The following ZNF462 variants were observed in gnomAD, a reference collection of about 807,000 sequenced individuals.
The protein encoded by ZNF462 is zinc finger protein 462.
Under a neutral mutation model 201.9 loss-of-function variants are expected in ZNF462, and 10 were observed. That is an observed-to-expected ratio of 0.05 (90% CI 0.03 to 0.08). The LOEUF is 0.08. Among genes scored for constraint, ZNF462 ranks in the 10% least tolerant of loss-of-function variants. The pLI, the probability that ZNF462 is intolerant of heterozygous loss-of-function variation, is 1.00. For missense variants in ZNF462, 2,523 were observed against 3,168.3 expected, an observed-to-expected ratio of 0.80 and a Z score of 4.89; for synonymous variants, 1,227 against 1,193.3, an observed-to-expected ratio of 1.03 and a Z score of -0.58.
At chr9:106,861,928 G>C (rs1414039611), upstream of ZNF462, among the ~76,000 whole-genome samples, 2 of 152,214 alleles carry the variant, frequency 1.3e-5, no homozygotes, top group Non-Finnish European at 2.9e-5. Flanking sequence ...CAGCCAGAAA[G>C]TGCAAACAAC....
chr9:106,887,832 T>C (rs534989524), intron 1 of ZNF462, among the ~76,000 whole-genome samples: 1 of 152,338 alleles, frequency 6.6e-6, no homozygotes, highest in South Asian at 2.1e-4. Context: ...ACATAGTTTA[T>C]GTAGTACATT....
At chr9:106,864,303 A>G (rs1462362552) in intron 1 of ZNF462, among the ~76,000 whole-genome samples, 5 of 151,436 alleles carry the variant, frequency 3.3e-5, no homozygotes, top group African/African-American at 9.7e-5. Flanking sequence ...GAGGAGGACA[A>G]CGGTTTCTGG....
At position 106,984,245 on chromosome 9, in the gene ZNF462, G is replaced by A. The variant is rs1173962776; in HGVS notation, c.6892G>A (p.Val2298Ile). The A allele has an allele frequency of 1.2e-6, 2 of 1,614,114 alleles. No homozygotes were observed. The highest frequency in any genetic ancestry group is 1.3e-5 in the African/African-American group (1 of 75,034). Residue 2298 changes from valine to isoleucine, a missense_variant, in exon 10 of 13, where the codon GTA (valine) becomes ATA (isoleucine). This residue lies in a region of ZNF462 where 228 missense variants were observed against 361.2 expected (regional missense o/e 0.63). Coordinates refer to ENST00000277225, the MANE Select transcript of ZNF462 (RefSeq NM_021224.6). This position sits in a 1 kb window ranked among gnomAD's most constrained non-coding sequence, Gnocchi z 6.4. ...RSKLSKYLQG[V>I]VFRCDKCTFT... is the part of the protein sequence containing the mutation. Reference sequence around the variant, plus strand: ...CAAACTGTCCAAATACTTGCAGGGAGTAGTTTTCCGCTGTGATAAGTGTAC... The same window carrying A: ...CAAACTGTCCAAATACTTGCAGGGAATAGTTTTCCGCTGTGATAAGTGTAC...
rs1830509736 is a variant in ZNF462, at chr9:106,933,630, A to G, written c.6116+1081A>G. Among the ~76,000 whole-genome samples, 1 of 152,166 alleles carries G rather than the reference A, an allele frequency of 6.6e-6. No individual in the cohort carries two copies. The highest frequency in any genetic ancestry group is 1.5e-5 in the Non-Finnish European group (1 of 68,026). On this transcript the variant is annotated intron_variant, in intron 5 of 12. Coordinates refer to ENST00000277225, the MANE Select transcript of ZNF462 (RefSeq NM_021224.6). This position sits in a 1 kb window ranked among gnomAD's most constrained non-coding sequence, Gnocchi z 4.3. The stretch of plus-strand genomic sequence containing the variant: ...GGAATTTAGGGTCAAGGGTTGGTTT[A>G]TGAAATTAAAAAAAAACAAAACAAA...
intron 1 of ZNF462, among the ~76,000 whole-genome samples, chr9:106,873,883 A>T (rs771564279): frequency 2.6e-5 from 4 of 152,148 alleles, no homozygotes; most frequent in Admixed American, 6.5e-5. Flanking sequence ...AGCCCCCAAG[A>T]AACTAGTGGT....
At chr9:106,871,282 G>A (rs1328885115) in intron 1 of ZNF462, among the ~76,000 whole-genome samples, 2 of 152,204 alleles carry the variant, frequency 1.3e-5, no homozygotes, top group Non-Finnish European at 2.9e-5. Context: ...GGCCTTGAAA[G>A]GATACGTGGA....
At chr9:106,948,120 A>G (rs1001754892) in intron 7 of ZNF462, among the ~76,000 whole-genome samples, 2 of 152,086 alleles carry the variant, frequency 1.3e-5, no homozygotes, top group South Asian at 4.2e-4. Context: ...GGATGGAAGG[A>G]GTATCAGACA....
chr9:106,986,570 A>T (rs1448856216), intron 10 of ZNF462, among the ~76,000 whole-genome samples: 1 of 152,188 alleles, frequency 6.6e-6, no homozygotes, highest in African/African-American at 2.4e-5. Flanking sequence ...CCTAAAACAT[A>T]TTACAAAACC....
At chr9:106,884,078 A>T (rs749417286) in intron 1 of ZNF462, among the ~76,000 whole-genome samples, 39 of 152,256 alleles carry the variant, frequency 2.6e-4, no homozygotes, top group Non-Finnish European at 5.1e-4. Flanking sequence ...GGTATGCAGC[A>T]GTGATTCCTA....
intron 1 of ZNF462, among the ~76,000 whole-genome samples, chr9:106,863,831 G>C (rs1190523665): frequency 2.0e-5 from 3 of 151,884 alleles, no homozygotes; most frequent in Non-Finnish European, 4.4e-5. Context: ...GGGGGGCGGA[G>C]GGCGGGAGGC....
At chr9:106,982,908 G>C (rs968976616) in intron 9 of ZNF462, among the ~76,000 whole-genome samples, 2 of 152,126 alleles carry the variant, frequency 1.3e-5, no homozygotes, top group Non-Finnish European at 2.9e-5. Context: ...GGTGTACAAC[G>C]TACCGATGCC....
intron 1 of ZNF462, among the ~76,000 whole-genome samples, chr9:106,871,796 C>T (rs1188511978): frequency 6.6e-6 from 1 of 152,160 alleles, no homozygotes; most frequent in Non-Finnish European, 1.5e-5. Flanking sequence ...GAGAATAGAG[C>T]ACAGCAGAAA....
Position 107,008,514 on chromosome 9 carries a change from G to A in ZNF462, c.7190-1031G>A, listed in dbSNP as rs1284550167. On this transcript the variant is annotated intron_variant, in intron 11 of 12. Coordinates refer to ENST00000277225, the MANE Select transcript of ZNF462 (RefSeq NM_021224.6). The surrounding 1 kb of genome is among the most constrained non-coding windows in gnomAD (Gnocchi z 4.8). ...ACCAGAGTGATCAGAGTGTAAAGAT[G>A]ATCAACACTTCCCTGTGCGATGCCC... Among the ~76,000 whole-genome samples the A allele has an allele frequency of 2.0e-5, 3 of 152,096 alleles. No homozygotes were observed. The highest frequency in any genetic ancestry group is 2.9e-5 in the Non-Finnish European group (2 of 68,020).
chr9:106,868,988 C>T (rs1467282098), intron 1 of ZNF462, among the ~76,000 whole-genome samples: 2 of 151,500 alleles, frequency 1.3e-5, no homozygotes, highest in Non-Finnish European at 2.9e-5. Context: ...AAAGTGTTAG[C>T]TCCCGGGTTT....
chr9:107,000,576 C>T (rs759688201), intron 10 of ZNF462, among the ~76,000 whole-genome samples: 1 of 152,076 alleles, frequency 6.6e-6, no homozygotes, highest in Non-Finnish European at 1.5e-5. Context: ...ATTTTAAAAT[C>T]TTCTAATTAC....
In ZNF462 at chr9:107,003,381, G is replaced by C; in HGVS notation, c.7144G>C (p.Asp2382His). The change falls in exon 11 of 13, where the codon GAT becomes CAT. Residue 2382 changes from aspartate to histidine, a missense_variant. By Grantham distance (81) the Asp-to-His change is moderately conservative. Transcript: ENST00000277225. The surrounding 1 kb of genome is among the most constrained non-coding windows in gnomAD (Gnocchi z 4.4). ...GAAAATGGAGAGCTCCAGCAGCGAT[G>C]ATGAGGACAAGGAAGAAGAAATGAA... The part of the protein sequence containing the change: ...KEKMESSSSD[D>H]EDKEEEMNSK... 6.2e-7 allele frequency: 1 copy of C among 1,613,874 alleles called. No individual in the cohort carries two copies. Among genetic ancestry groups the C allele is most frequent in the Non-Finnish European group, 8.5e-7 (1 of 1,179,862 alleles).
At position 106,984,444 on chromosome 9, in the gene ZNF462, C is replaced by T; in HGVS notation, c.7056+35C>T. 6.4e-7 allele frequency: 1 copy of T among 1,570,672 alleles called. No individual in the cohort carries two copies. Among genetic ancestry groups the T allele is most frequent in the Non-Finnish European group, 8.7e-7 (1 of 1,153,042 alleles). On this transcript the variant is annotated intron_variant, in intron 10 of 12. Transcript: ENST00000277225. This position sits in a 1 kb window ranked among gnomAD's most constrained non-coding sequence, Gnocchi z 6.4. ...AGGACTTCCTGCTCCCGCCTCAGCA[C>T]ACTTGTGGGGAGGGGCCAAGGGGGA...
At position 107,010,743 on chromosome 9, in the gene ZNF462, A is replaced by T; in HGVS notation, c.7314-80A>T. The T allele has an allele frequency of 7.5e-7, 1 of 1,326,884 alleles. No homozygotes were observed. The highest frequency in any genetic ancestry group is 1.0e-6 in the Non-Finnish European group (1 of 988,368). 82.2% of individuals were successfully genotyped at this position (1,326,884 alleles called of 1,614,324 possible). On this transcript the variant is annotated intron_variant, in intron 12 of 12. Coordinates refer to ENST00000277225, the MANE Select transcript of ZNF462 (RefSeq NM_021224.6). The surrounding 1 kb of genome is among the most constrained non-coding windows in gnomAD (Gnocchi z 4.6). ...AGGATCAGGAAAATAAAGACACTCG[A>T]GGGTTTTTATTATTTTTTTGTTTAA...
At position 106,883,238 on chromosome 9, in the gene ZNF462, G is replaced by C. The variant is rs1455813965; in HGVS notation, c.-31+19883G>C. On this transcript the variant is annotated intron_variant, in intron 1 of 12. Coordinates refer to ENST00000277225, the MANE Select transcript of ZNF462 (RefSeq NM_021224.6). This position sits in a 1 kb window ranked among gnomAD's most constrained non-coding sequence, Gnocchi z 4.9. The stretch of plus-strand genomic sequence containing the variant: ...GGTGTGCGCTGCAGAGCAGTTTCCT[G>C]TTATTTGGTTAATGGTTGACCTAGT... 1.3e-5 allele frequency among the ~76,000 whole-genome samples: 2 copies of C among 152,196 alleles called. No homozygotes were observed.
Sources: gnomAD v4.1 joint callset for allele counts (sites outside exome capture counted in the v4.1 genomes callset) on GRCh38, gnomAD v4.1.1 for gene constraint, gnomAD v4.1.1 regional missense constraint, Gnocchi (gnomAD v3.1) non-coding constraint, MANE v1.5 for transcripts, NCBI Gene and HGNC (gene_info 2026-07-23, HGNC 2026-07-21) for gene names.